GALNT17: variants seen among roughly 807,000 people sequenced by gnomAD.
GALNT17 encodes UDP-GalNAc:polypeptide N-acetylgalactosaminyltransferase-like 3.
Under a neutral mutation model 63.7 loss-of-function variants are expected in GALNT17, and 29 were observed. The ratio of observed to expected loss-of-function variants is 0.46; its 90% CI spans 0.34 to 0.62. The LOEUF (loss-of-function observed/expected upper bound fraction) is 0.62. Ranked by LOEUF, GALNT17 falls within the 20% of genes least tolerant of loss-of-function variation. GALNT17 has a pLI of 0.01. For missense variants in GALNT17, 603 were observed against 799.6 expected (o/e 0.75, Z 2.97); for synonymous variants, 305 against 318.3 (o/e 0.96, Z 0.45).
chr7:71,393,198 CTCTT>C, intron 3 of GALNT17, among the ~76,000 whole-genome samples: 1 of 152,206 alleles, frequency 6.6e-6, no homozygotes, highest in East Asian at 1.9e-4. Context: ...ATGTAATGCT[CTCTT>C]TATCTTAGAA....
intron 9 of GALNT17, among the ~76,000 whole-genome samples, chr7:71,693,712 C>T (rs1308878342): frequency 6.6e-6 from 1 of 151,316 alleles, no homozygotes; most frequent in Non-Finnish European, 1.5e-5. Flanking sequence ...CTAATGGGTA[C>T]TAGGCTTAAT....
At chr7:71,512,753 C>T (rs565372581) in intron 5 of GALNT17, among the ~76,000 whole-genome samples, 7 of 152,184 alleles carry the variant, frequency 4.6e-5, no homozygotes, top group Non-Finnish European at 7.3e-5. Context: ...ATTGTTCCCT[C>T]TCTCTGTTCT....
chr7:71,422,420 T>C, intron 5 of GALNT17, among the ~76,000 whole-genome samples: 1 of 152,248 alleles, frequency 6.6e-6, no homozygotes, highest in Non-Finnish European at 1.5e-5. Context: ...CAAAGTTCTT[T>C]TCCTAAATAA....
intron 5 of GALNT17, among the ~76,000 whole-genome samples, chr7:71,515,139 C>G (rs1788425012): frequency 6.8e-6 from 1 of 146,534 alleles, no homozygotes; most frequent in Non-Finnish European, 1.6e-5. Flanking sequence ...TTATAAATTA[C>G]CCAGTTTTAG....
Position 71,280,565 on chromosome 7 carries a change from G to A in GALNT17, c.239-54985G>A, listed in dbSNP as rs569646723. ...CTAGCTGAAGCACAGAAGGGAAGAC[G>A]CAGAAATTTATTAGCGCTTATAACT... is the stretch of plus-strand genomic sequence containing the variant. On this transcript the variant is annotated intron_variant, in intron 1 of 10. Transcript: ENST00000333538. Among the ~76,000 whole-genome samples, 71 of 152,280 alleles carry A rather than the reference G, an allele frequency of 4.7e-4. 3 individuals carry two copies. The South Asian group carries it at 0.014, about 30-fold the overall frequency.
At chr7:71,412,587 T>G (rs944062374) in intron 3 of GALNT17, among the ~76,000 whole-genome samples, 1 of 152,052 alleles carries the variant, frequency 6.6e-6, no homozygotes, top group Non-Finnish European at 1.5e-5. Context: ...TAGGACATCA[T>G]CTCTTATCAC....
At chr7:71,647,229 AT>A (rs5884850) in intron 6 of GALNT17, among the ~76,000 whole-genome samples, 26 of 137,538 alleles carry the variant, frequency 1.9e-4, no homozygotes, top group African/African-American at 7.1e-4. Context: ...GTGCCCAGCT[AT>A]TTTTTTTTTT....
chr7:71,491,064 CAT>C (rs1787997926), intron 5 of GALNT17, among the ~76,000 whole-genome samples: 1 of 151,298 alleles, frequency 6.6e-6, no homozygotes, highest in African/African-American at 2.4e-5. Flanking sequence ...TAGGGTGGCA[CAT>C]GCCCGTAATC....
intron 5 of GALNT17, among the ~76,000 whole-genome samples, chr7:71,561,712 A>G (rs2116854836): frequency 6.6e-6 from 1 of 152,294 alleles, no homozygotes; most frequent in Non-Finnish European, 1.5e-5. Context: ...GAGAATGTCA[A>G]GAGATGACAG....
chr7:71,583,353 C>T (rs899706066), intron 6 of GALNT17, among the ~76,000 whole-genome samples: 3 of 152,306 alleles, frequency 2.0e-5, no homozygotes, highest in East Asian at 3.9e-4. Flanking sequence ...CTCGGCCTCC[C>T]GAAGTGCTAG....
intron 6 of GALNT17, among the ~76,000 whole-genome samples, chr7:71,577,707 G>T (rs914073592): frequency 5.9e-5 from 9 of 152,084 alleles, no homozygotes; most frequent in Admixed American, 5.9e-4. Flanking sequence ...TTGCACTCAG[G>T]GTAAACATAA....
chr7:71,629,407 A>C (rs889919234), intron 6 of GALNT17, among the ~76,000 whole-genome samples: 2 of 152,212 alleles, frequency 1.3e-5, no homozygotes, highest in Non-Finnish European at 2.9e-5. Context: ...TTACAAACTC[A>C]GAACATCATC....
At chr7:71,342,475 A>C (rs1379302520) in intron 2 of GALNT17, among the ~76,000 whole-genome samples, 2 of 152,180 alleles carry the variant, frequency 1.3e-5, no homozygotes, top group South Asian at 2.1e-4. Flanking sequence ...TGAGACATGC[A>C]TCCCAACCAT....
At chr7:71,711,011 G>A (rs893476995) in intron 10 of GALNT17, 83 bp downstream of exon 10, 8 of 1,519,630 alleles carry the variant, frequency 5.3e-6, no homozygotes, top group Non-Finnish European at 6.2e-6. Context: ...CTTCCCCAGG[G>A]GTCCCCAGCA....
intron 6 of GALNT17, among the ~76,000 whole-genome samples, chr7:71,598,920 T>C (rs569239330): frequency 5.3e-5 from 8 of 151,858 alleles, no homozygotes; most frequent in African/African-American, 1.4e-4. Context: ...TTGACCTGTC[T>C]AGGGAATTGC....
intron 1 of GALNT17, among the ~76,000 whole-genome samples, chr7:71,229,390 A>C (rs1263178661): frequency 1.3e-5 from 2 of 152,176 alleles, no homozygotes; most frequent in Non-Finnish European, 2.9e-5. Flanking sequence ...CGGTGAGACC[A>C]AGATGGCCCC....
chr7:71,154,027 G>C (rs529289264), intron 1 of GALNT17, among the ~76,000 whole-genome samples: 2 of 152,260 alleles, frequency 1.3e-5, no homozygotes, highest in East Asian at 3.9e-4. Flanking sequence ...TTGATGATGC[G>C]CTGGCCTCCG....
intron 1 of GALNT17, among the ~76,000 whole-genome samples, chr7:71,309,227 C>G (rs1279751670): frequency 2.0e-5 from 3 of 152,064 alleles, no homozygotes; most frequent in African/African-American, 4.8e-5. Flanking sequence ...CTTTCCTACT[C>G]AAAACCTTTC....
At chr7:71,165,830 G>A (rs1321181846) in intron 1 of GALNT17, among the ~76,000 whole-genome samples, 1 of 152,196 alleles carries the variant, frequency 6.6e-6, no homozygotes, top group African/African-American at 2.4e-5. Flanking sequence ...GGTCAAGCTA[G>A]TTCCTTAGGT....
Sources: allele counts gnomAD v4.1 joint callset (sites outside exome capture counted in the v4.1 genomes callset), GRCh38; gene constraint gnomAD v4.1.1; transcripts MANE v1.5; gene names NCBI Gene and HGNC (gene_info 2026-07-23, HGNC 2026-07-21).